The following DCAF6 variants were observed in gnomAD, a reference collection of about 807,000 sequenced individuals.
The protein encoded by DCAF6 is DDB1 and CUL4 associated factor 6.
Under a neutral mutation model 125.1 loss-of-function variants are expected in DCAF6, and 54 were observed. The ratio of observed to expected loss-of-function variants is 0.43; its 90% CI spans 0.35 to 0.54. DCAF6 has a LOEUF of 0.54. Ranked by LOEUF, DCAF6 falls within the 20% of genes least tolerant of loss-of-function variation. DCAF6 has a pLI of 0.01. For synonymous variants in DCAF6, 371 were observed against 390.4 expected, an observed-to-expected ratio of 0.95 and a Z score of 0.58; for missense variants, 934 against 1,161.7, an observed-to-expected ratio of 0.80 and a Z score of 2.85.
At chr1:167,912,991 C>G in the DCAF6 span, among the ~76,000 whole-genome samples, 5 of 152,194 alleles carry the variant, frequency 3.3e-5, no homozygotes, top group Non-Finnish European at 5.9e-5. Flanking sequence ...CATTTGTATA[C>G]GCTTTATAGC....
chr1:167,956,835 G>T (rs956396589), intron 2 of DCAF6, among the ~76,000 whole-genome samples: 3 of 151,538 alleles, frequency 2.0e-5, no homozygotes, highest in Non-Finnish European at 2.9e-5. Context: ...TATTTCTATG[G>T]CCATCTGTTA....
At chr1:168,071,292 C>T (rs962657071) in intron 21 of DCAF6, among the ~76,000 whole-genome samples, 4 of 152,082 alleles carry the variant, frequency 2.6e-5, no homozygotes, top group African/African-American at 9.7e-5. Context: ...AGGTATGGCA[C>T]TTATAATAAA....
At chr1:167,926,547 G>A in the DCAF6 span, among the ~76,000 whole-genome samples, 2 of 152,330 alleles carry the variant, frequency 1.3e-5, no homozygotes, top group African/African-American at 4.8e-5. Flanking sequence ...AGCCAAGTCA[G>A]CGGTTCTCAA....
At chr1:168,064,455 A>C (rs1255696952) in intron 18 of DCAF6, among the ~76,000 whole-genome samples, 1 of 152,150 alleles carries the variant, frequency 6.6e-6, no homozygotes, top group East Asian at 1.9e-4. Context: ...GTTTTAATCC[A>C]TATTACTGCC....
chr1:168,035,784 C>G (rs74647325), intron 12 of DCAF6, among the ~76,000 whole-genome samples: 18 of 151,996 alleles, frequency 1.2e-4, no homozygotes, highest in Non-Finnish European at 2.2e-4. Context: ...CTCTGTAGGC[C>G]GGGCATGGTG....
intron 2 of DCAF6, among the ~76,000 whole-genome samples, chr1:167,962,224 T>G (rs7535138): frequency 0.21 from 31,392 of 152,032 alleles, 3,874 homozygotes; most frequent in Admixed American, 0.36. Flanking sequence ...TTGATGGTTT[T>G]GAGTTTAACT....
chr1:167,967,274 G>A (rs1571711515), intron 3 of DCAF6, among the ~76,000 whole-genome samples: 1 of 152,014 alleles, frequency 6.6e-6, no homozygotes, highest in African/African-American at 2.4e-5. Context: ...AATTAAAATG[G>A]TTTCAATGAA....
chr1:168,073,466 G>A (rs1558062092), intron 21 of DCAF6, among the ~76,000 whole-genome samples: 1 of 152,148 alleles, frequency 6.6e-6, no homozygotes, highest in African/African-American at 2.4e-5. Context: ...CATTTCAGAA[G>A]CCACTGTCAC....
chr1:167,942,674 C>T (rs952165612), intron 1 of DCAF6, among the ~76,000 whole-genome samples: 2 of 151,958 alleles, frequency 1.3e-5, no homozygotes, highest in African/African-American at 4.8e-5. Context: ...TTACCTCTTA[C>T]ATTTAGGTCT....
At chr1:168,014,392 T>C (rs1684684817) in intron 10 of DCAF6, among the ~76,000 whole-genome samples, 1 of 152,212 alleles carries the variant, frequency 6.6e-6, no homozygotes, top group Non-Finnish European at 1.5e-5. Context: ...CTCTGGCTTT[T>C]CCTTCTTACT....
At chr1:167,874,771 C>G in the DCAF6 span, among the ~76,000 whole-genome samples, 2 of 152,080 alleles carry the variant, frequency 1.3e-5, no homozygotes, top group African/African-American at 4.8e-5. Context: ...AAATGGAATA[C>G]TACATAGTAA....
At chr1:167,875,877 C>T in the DCAF6 span, among the ~76,000 whole-genome samples, 6 of 151,954 alleles carry the variant, frequency 3.9e-5, no homozygotes, top group South Asian at 6.2e-4. Context: ...GGTGTGAACC[C>T]GGGAGGGGGA....
At chr1:167,899,772 T>C in the DCAF6 span, 1 of 777,498 alleles carries the variant, frequency 1.3e-6, no homozygotes, top group Non-Finnish European at 2.2e-6. Context: ...ATAGGAATTA[T>C]GGCATACCTC....
intron 17 of DCAF6, among the ~76,000 whole-genome samples, chr1:168,055,347 T>G (rs1438869782): frequency 1.7e-5 from 2 of 120,622 alleles, no homozygotes; most frequent in Non-Finnish European, 3.5e-5. Flanking sequence ...TTTTTTTTTT[T>G]TTTTTTTTTT....
At chr1:168,024,804 C>CAAA (rs76178208) in intron 12 of DCAF6, among the ~76,000 whole-genome samples, 13 of 74,920 alleles carry the variant, frequency 1.7e-4, no homozygotes, top group African/African-American at 4.2e-4. Flanking sequence ...ACTCTGTATC[C>CAAA]AAAAAAAAAA....
chr1:168,060,925 T>C (rs1296079615), intron 17 of DCAF6, among the ~76,000 whole-genome samples: 2 of 152,214 alleles, frequency 1.3e-5, no homozygotes, highest in Non-Finnish European at 2.9e-5. Context: ...TTTTTTCTCA[T>C]TTATAGCTCT....
chr1:167,865,735 T>C, the DCAF6 span, among the ~76,000 whole-genome samples: 7 of 152,224 alleles, frequency 4.6e-5, no homozygotes, highest in Admixed American at 3.3e-4. Flanking sequence ...AAGATGCAAA[T>C]GCCTGGTTGA....
At chr1:167,977,992 C>G (rs1295997005) in intron 4 of DCAF6, among the ~76,000 whole-genome samples, 1 of 152,046 alleles carries the variant, frequency 6.6e-6, no homozygotes, top group African/African-American at 2.4e-5. Flanking sequence ...GGAAATATGG[C>G]TTTTTGTGTC....
chr1:167,874,262 T>C, the DCAF6 span, among the ~76,000 whole-genome samples: 6 of 151,952 alleles, frequency 3.9e-5, no homozygotes, highest in African/African-American at 1.5e-4. Context: ...ACCCAGGAGG[T>C]AGAGGTTGTA....
Sources: allele counts gnomAD v4.1 joint callset (sites outside exome capture counted in the v4.1 genomes callset), GRCh38; gene constraint gnomAD v4.1.1; transcripts MANE v1.5; gene names NCBI Gene and HGNC (gene_info 2026-07-23, HGNC 2026-07-21).